The following THSD7B variants were observed in gnomAD, a reference collection of about 807,000 sequenced individuals.
THSD7B encodes thrombospondin type-1 domain-containing protein 7B.
In THSD7B, 138 loss-of-function variants were observed where a neutral mutation model predicts 213.6. That is an observed-to-expected ratio of 0.65 (90% confidence interval 0.56 to 0.74). The LOEUF (loss-of-function observed/expected upper bound fraction) is 0.74, where lower values mean the gene tolerates loss of function less well. Among genes scored for constraint, THSD7B ranks in the 30% least tolerant of loss-of-function variants. The pLI, the probability that THSD7B is intolerant of heterozygous loss-of-function variation, is 0.00. For missense variants in THSD7B, 1,931 were observed against 1,991.5 expected (o/e 0.97, Z 0.58); for synonymous variants, 742 against 687.0 (o/e 1.08, Z -1.25).
chr2:136,953,921 T>G (rs905837386), intron 2 of THSD7B, among the ~76,000 whole-genome samples: 2 of 152,194 alleles, frequency 1.3e-5, no homozygotes, highest in Non-Finnish European at 2.9e-5. Flanking sequence ...TTTGCTTAAT[T>G]ACAAATGCGT....
intron 2 of THSD7B, among the ~76,000 whole-genome samples, chr2:137,047,751 T>C (rs1207220637): frequency 6.6e-6 from 1 of 152,172 alleles, no homozygotes; most frequent in Non-Finnish European, 1.5e-5. Flanking sequence ...GATTAGCCTC[T>C]GGAACTTCTA....
chr2:137,473,495 G>A (rs1335049749), intron 15 of THSD7B, among the ~76,000 whole-genome samples: 1 of 152,156 alleles, frequency 6.6e-6, no homozygotes, highest in East Asian at 1.9e-4. Flanking sequence ...AAGTGAAAAT[G>A]ATGTTCCATT....
intron 12 of THSD7B, among the ~76,000 whole-genome samples, chr2:137,369,243 T>A (rs1292159864): frequency 1.3e-5 from 2 of 152,060 alleles, no homozygotes; most frequent in Non-Finnish European, 2.9e-5. Context: ...AGGAAGCAGA[T>A]GCCTCACAGT....
At chr2:137,302,301 G>A (rs1683625664) in intron 12 of THSD7B, among the ~76,000 whole-genome samples, 1 of 152,150 alleles carries the variant, frequency 6.6e-6, no homozygotes, top group African/African-American at 2.4e-5. Flanking sequence ...AGAGACTGAG[G>A]AGAAGATGCC....
intron 12 of THSD7B, among the ~76,000 whole-genome samples, chr2:137,383,859 C>G (rs1279991484): frequency 6.6e-6 from 1 of 152,212 alleles, no homozygotes; most frequent in East Asian, 1.9e-4. Flanking sequence ...TAGAACCTGA[C>G]ACCTGCTAAA....
intron 2 of THSD7B, among the ~76,000 whole-genome samples, chr2:137,033,599 T>A (rs933334587): frequency 6.6e-6 from 1 of 151,732 alleles, no homozygotes; most frequent in Non-Finnish European, 1.5e-5. Context: ...TAGATATTAT[T>A]TTTATTATTT....
intron 12 of THSD7B, among the ~76,000 whole-genome samples, chr2:137,360,772 G>A (rs189066285): frequency 6.6e-6 from 1 of 152,188 alleles, no homozygotes; most frequent in African/African-American, 2.4e-5. Context: ...CCCCACCTCT[G>A]GGGGCAGGGC....
intron 2 of THSD7B, among the ~76,000 whole-genome samples, chr2:136,979,058 T>G (rs1162906826): frequency 6.6e-6 from 1 of 152,132 alleles, no homozygotes; most frequent in Non-Finnish European, 1.5e-5. Context: ...GAAGCTTAGT[T>G]TGGCCAGATA....
intron 2 of THSD7B, among the ~76,000 whole-genome samples, chr2:137,011,108 C>T (rs1208731290): frequency 1.3e-5 from 2 of 152,144 alleles, no homozygotes; most frequent in African/African-American, 4.8e-5. Context: ...ACTTCCCCTT[C>T]ACACCAACAG....
chr2:136,985,435 A>T (rs554129390), intron 2 of THSD7B, among the ~76,000 whole-genome samples: 1 of 152,296 alleles, frequency 6.6e-6, no homozygotes, highest in African/African-American at 2.4e-5. Context: ...GGCCCCAGAT[A>T]CTACTTAGGC....
chr2:137,636,984 G>C (rs1473298502), intron 20 of THSD7B, among the ~76,000 whole-genome samples: 1 of 152,172 alleles, frequency 6.6e-6, no homozygotes, highest in Non-Finnish European at 1.5e-5. Context: ...CACTGTGCCT[G>C]GCACATCAGC....
At chr2:137,103,077 C>T (rs531914576) in intron 4 of THSD7B, among the ~76,000 whole-genome samples, 2 of 152,210 alleles carry the variant, frequency 1.3e-5, no homozygotes, top group East Asian at 1.9e-4. Flanking sequence ...CCCCAAGACA[C>T]AAAATCGTCG....
chr2:136,846,731 T>G (rs1342855224), intron 1 of THSD7B, among the ~76,000 whole-genome samples: 1 of 152,176 alleles, frequency 6.6e-6, no homozygotes, highest in Non-Finnish European at 1.5e-5. Context: ...CAGAGCTTGG[T>G]AGGTGCAGAA....
At chr2:137,105,476 T>C (rs1045393322) in intron 4 of THSD7B, among the ~76,000 whole-genome samples, 1 of 152,322 alleles carries the variant, frequency 6.6e-6, no homozygotes, top group Non-Finnish European at 1.5e-5. Flanking sequence ...ACTGGAAGCA[T>C]TCCCTTTGAA....
At chr2:137,659,156 G>T (rs1271409568) in intron 24 of THSD7B, among the ~76,000 whole-genome samples, 2 of 152,122 alleles carry the variant, frequency 1.3e-5, no homozygotes. Context: ...ATGTATTCCA[G>T]TTGACTTACA....
At chr2:137,317,935 A>G (rs1684163856) in intron 12 of THSD7B, among the ~76,000 whole-genome samples, 1 of 151,942 alleles carries the variant, frequency 6.6e-6, no homozygotes, top group South Asian at 2.1e-4. Context: ...TCTATGGGGG[A>G]GGGGGGAAGA....
chr2:137,395,271 C>T (rs982338250), intron 12 of THSD7B, among the ~76,000 whole-genome samples: 2 of 147,212 alleles, frequency 1.4e-5, no homozygotes, highest in African/African-American at 5.0e-5. Context: ...CCAGTTTTTG[C>T]CCATTCAGTA....
chr2:137,508,591 A>G (rs1020506558), intron 15 of THSD7B, among the ~76,000 whole-genome samples: 1 of 145,468 alleles, frequency 6.9e-6, no homozygotes. Context: ...GGGTTTCACC[A>G]TGTTAGCCAG....
intron 4 of THSD7B, among the ~76,000 whole-genome samples, chr2:137,096,318 G>A (rs569437295): frequency 6.6e-6 from 1 of 152,292 alleles, no homozygotes; most frequent in South Asian, 2.1e-4. Context: ...TTGGTGATGT[G>A]TGAAGGGTAT....
Sources: gnomAD v4.1 joint callset for allele counts (sites outside exome capture counted in the v4.1 genomes callset) on GRCh38, gnomAD v4.1.1 for gene constraint, MANE v1.5 for transcripts, NCBI Gene and HGNC (gene_info 2026-07-23, HGNC 2026-07-21) for gene names.